DMD: variants seen among roughly 807,000 people sequenced by gnomAD.
The protein encoded by DMD is dystrophin.
In DMD, 63 loss-of-function variants were observed where a neutral mutation model predicts 330.1. The observed-to-expected ratio is 0.19, with a 90% confidence interval of 0.16 to 0.24. DMD has a LOEUF of 0.24. Among genes scored for constraint, DMD ranks in the 10% least tolerant of loss-of-function variants. The pLI is 1.00. For synonymous variants in DMD, 1,223 were observed against 959.8 expected (o/e 1.27, Z -5.07); for missense variants, 3,344 against 2,684.1 (o/e 1.25, Z -5.43).
intron 44 of DMD, among the ~76,000 whole-genome samples, chrX:32,071,757 C>A (rs11798025): frequency 0.44 from 48,591 of 109,958 alleles, 8,907 homozygotes; most frequent in African/African-American, 0.69. Context: ...ATAATAAAAA[C>A]TAAAATAAAA....
chrX:32,812,006 AAAAG>A (rs774757210), intron 6 of DMD, among the ~76,000 whole-genome samples: 35 of 111,737 alleles, frequency 3.1e-4, no homozygotes, highest in Non-Finnish European at 6.2e-4. Flanking sequence ...AGATAGGTTT[AAAAG>A]AAAGAAACTG....
chrX:32,724,111 C>T (rs759820843), intron 7 of DMD, among the ~76,000 whole-genome samples: 2 of 112,043 alleles, frequency 1.8e-5, no homozygotes, highest in African/African-American at 3.2e-5. Context: ...AAATATAATA[C>T]ATTTAAATGG....
In DMD at chrX:32,973,401, C is replaced by T. The variant is rs141268611; in HGVS notation, c.93+46738G>A. Among the ~76,000 whole-genome samples, 9 of 112,217 alleles carry T rather than the reference C, an allele frequency of 8.0e-5. No homozygotes were observed. In the East Asian group the frequency reaches 2.5e-3, roughly 31 times the overall value. The stretch of plus-strand genomic sequence containing the variant: ...TTCAATCTGGGTGAGTTTGTAACTA[C>T]TTCAACAGATAGAGGATGGCAAGAG... On this transcript the variant is annotated intron_variant, in intron 2 of 78. Coordinates refer to ENST00000357033, the MANE Select transcript of DMD (RefSeq NM_004006.3).
intron 6 of DMD, among the ~76,000 whole-genome samples, chrX:32,815,456 T>G (rs1396585552): frequency 1.0e-5 from 1 of 98,926 alleles, no homozygotes; most frequent in African/African-American, 3.8e-5. Flanking sequence ...CAAAATAAAG[T>G]GACTGTAGTC....
intron 2 of DMD, among the ~76,000 whole-genome samples, chrX:32,918,497 C>T (rs1242570294): frequency 9.0e-6 from 1 of 110,685 alleles, no homozygotes; most frequent in Non-Finnish European, 1.9e-5. Flanking sequence ...ATTACAGGTG[C>T]CCACCACCAC....
intron 47 of DMD, among the ~76,000 whole-genome samples, chrX:31,884,846 T>A (rs781475374): frequency 8.9e-6 from 1 of 111,817 alleles, no homozygotes; most frequent in South Asian, 3.7e-4. Context: ...TGATTAGAAA[T>A]ACATGCACAC....
intron 1 of DMD, among the ~76,000 whole-genome samples, chrX:33,274,188 G>A (rs1453859805): frequency 8.9e-6 from 1 of 111,907 alleles, no homozygotes; most frequent in Non-Finnish European, 1.9e-5. Context: ...GGTCACACAG[G>A]TAGTTTGATG....
chrX:31,459,986 TCTC>T (rs1409353571), intron 59 of DMD, among the ~76,000 whole-genome samples: 1 of 111,893 alleles, frequency 8.9e-6, no homozygotes, highest in East Asian at 2.8e-4. Flanking sequence ...TTCTCATCCT[TCTC>T]CTCTCCCAGA....
At chrX:31,997,110 T>C (rs779759553) in intron 44 of DMD, among the ~76,000 whole-genome samples, 2 of 111,752 alleles carry the variant, frequency 1.8e-5, no homozygotes, top group African/African-American at 6.5e-5. Flanking sequence ...GGGTGAACCC[T>C]AAAGAAAATT....
chrX:31,320,655 T>C (rs1219774597), intron 62 of DMD, among the ~76,000 whole-genome samples: 1 of 112,192 alleles, frequency 8.9e-6, no homozygotes, highest in African/African-American at 3.2e-5. Flanking sequence ...ACATTTTAGA[T>C]AATAGTAATG....
At chrX:32,280,004 C>CAAATATATATATATGT (rs1436462195) in intron 43 of DMD, among the ~76,000 whole-genome samples, 1 of 61,739 alleles carries the variant, frequency 1.6e-5, no homozygotes, top group African/African-American at 6.9e-5. Flanking sequence ...ATATGTACCC[C>CAAATATATATATATGT]ACATATATAT....
chrX:32,394,922 A>AAAAAAAC (rs2098032070), intron 30 of DMD, among the ~76,000 whole-genome samples: 2 of 22,321 alleles, frequency 9.0e-5, no homozygotes, highest in Admixed American at 6.9e-4. Context: ...AAAACAAAAA[A>AAAAAAAC]AAAAAAAAAA....
chrX:32,031,131 T>C (rs2095879566), intron 44 of DMD, among the ~76,000 whole-genome samples: 1 of 99,926 alleles, frequency 1.0e-5, no homozygotes. Flanking sequence ...GGGCTGCAAG[T>C]GAAGTTCAAT....
chrX:31,653,515 G>C (rs1350034536), intron 54 of DMD, among the ~76,000 whole-genome samples: 1 of 109,920 alleles, frequency 9.1e-6, no homozygotes, highest in Non-Finnish European at 1.9e-5. Flanking sequence ...TGATGAGTTT[G>C]TACCTGGCTA....
At chrX:32,893,386 T>C (rs1437391037) in intron 2 of DMD, among the ~76,000 whole-genome samples, 2 of 111,997 alleles carry the variant, frequency 1.8e-5, no homozygotes, top group Admixed American at 9.5e-5. Context: ...TTCTCTCATG[T>C]CTTCCATTTC....
intron 48 of DMD, among the ~76,000 whole-genome samples, chrX:31,853,912 A>G (rs1449997246): frequency 8.9e-6 from 1 of 112,050 alleles, no homozygotes; most frequent in Non-Finnish European, 1.9e-5. Flanking sequence ...CTTCTAGGCC[A>G]GGGTTGACCC....
intron 2 of DMD, among the ~76,000 whole-genome samples, chrX:33,001,427 C>T (rs1317217961): frequency 8.9e-6 from 1 of 111,762 alleles, no homozygotes; most frequent in South Asian, 3.7e-4. Flanking sequence ...ATAAGTCTGA[C>T]TATATGTACT....
chrX:32,777,589 C>T (rs904637804), intron 7 of DMD, among the ~76,000 whole-genome samples: 10 of 110,990 alleles, frequency 9.0e-5, no homozygotes, highest in Non-Finnish European at 1.5e-4. Context: ...TTCAGGACTT[C>T]GCAGTTTTCC....
At chrX:31,907,697 A>G (rs2094494723) in intron 47 of DMD, among the ~76,000 whole-genome samples, 1 of 112,500 alleles carries the variant, frequency 8.9e-6, no homozygotes, top group Non-Finnish European at 1.9e-5. Flanking sequence ...CAATGGCAAC[A>G]GAAGCCAAAA....
Sources: allele counts gnomAD v4.1 joint callset (sites outside exome capture counted in the v4.1 genomes callset), GRCh38; gene constraint gnomAD v4.1.1; transcripts MANE v1.5; gene names NCBI Gene and HGNC (gene_info 2026-07-23, HGNC 2026-07-21).